Variants in HEATR4 observed in about 807,000 individuals in gnomAD.
HEATR4 encodes HEAT repeat-containing protein 4.
Under a neutral mutation model 108.8 loss-of-function variants are expected in HEATR4, and 95 were observed. The ratio of observed to expected loss-of-function variants is 0.87; its 90% CI spans 0.74 to 1.04. HEATR4 has a LOEUF of 1.04. Among genes scored for constraint, HEATR4 ranks in the 50% least tolerant of loss-of-function variants. The probability of loss-of-function intolerance (pLI) is 0.00; values close to 1 mark genes in which losing one functional copy is unlikely to be tolerated. For synonymous variants in HEATR4, 443 were observed against 459.4 expected, an observed-to-expected ratio of 0.96 and a Z score of 0.46; for missense variants, 1,152 against 1,253.8, an observed-to-expected ratio of 0.92 and a Z score of 1.23.
chr14:73,602,492 G>A, the HEATR4 span, among the ~76,000 whole-genome samples: 2 of 152,088 alleles, frequency 1.3e-5, no homozygotes, highest in African/African-American at 4.8e-5. Flanking sequence ...CTTCCACCCC[G>A]CTTCTCACTA....
the HEATR4 span, chr14:73,617,211 C>T: frequency 1.9e-6 from 3 of 1,614,158 alleles, no homozygotes; most frequent in Non-Finnish European, 2.5e-6. Context: ...TGGTGATCAC[C>T]TGAGTGCAGA....
intron 1 of HEATR4, among the ~76,000 whole-genome samples, 162 bp downstream of exon 1, chr14:73,558,589 C>CA (rs1889446252): frequency 6.9e-6 from 1 of 145,888 alleles, no homozygotes; most frequent in African/African-American, 2.5e-5. Flanking sequence ...CTCCTGGACT[C>CA]AAACAGTCCT....
At chr14:73,622,917 G>GTT in the HEATR4 span, among the ~76,000 whole-genome samples, 1 of 150,258 alleles carries the variant, frequency 6.7e-6, no homozygotes. Flanking sequence ...TTTAGTTTTT[G>GTT]TTTTTTTTTG....
intron 17 of HEATR4, chr14:73,491,627 C>G (rs907783917): frequency 3.2e-6 from 5 of 1,549,274 alleles, no homozygotes; most frequent in Non-Finnish European, 4.4e-6. Flanking sequence ...GCGAGCGGCC[C>G]GCCTCTTTGA....
chr14:73,492,942 A>T lies in HEATR4; in HGVS notation c.2844+124T>A. 1 of 1,609,172 alleles carries T rather than the reference A, an allele frequency of 6.2e-7. No homozygotes were observed. Among genetic ancestry groups the T allele is most frequent in the Non-Finnish European group, 8.5e-7 (1 of 1,178,106 alleles). On this transcript the variant is annotated intron_variant, in intron 17 of 17. Transcript: ENST00000553558. This position sits in a 1 kb window ranked among gnomAD's most constrained non-coding sequence, Gnocchi z 4.9. ...ACTAAGATGCCTCTAGCCCTAAATT[A>T]GTTTCTTGTTGATTGCTGGAAACAA...
chr14:73,618,852 G>A, the HEATR4 span, among the ~76,000 whole-genome samples: 4 of 151,964 alleles, frequency 2.6e-5, no homozygotes, highest in African/African-American at 7.2e-5. Context: ...AGCTACTGGC[G>A]GGGCACGGTG....
chr14:73,509,591 A>G lies in HEATR4; in HGVS notation c.1559-118T>C, dbSNP rs895826098. 2.6e-5 allele frequency: 24 copies of G among 937,724 alleles called. No individual in the cohort carries two copies. The African/African-American group carries it at 3.8e-4, about 15-fold the overall frequency. 58.1% of individuals were successfully genotyped at this position (937,724 alleles called of 1,614,324 possible). A position where few individuals can be genotyped will look rare whatever the true frequency, so the allele number is the denominator to read the frequency against. On this transcript the variant is annotated intron_variant, in intron 7 of 17. Transcript: ENST00000553558. ...GTCCCAGCTGCAGTTGCTTAGTGCT[A>G]TGTAATATAATTACAGTTTAGCTGA...
chr14:73,508,352 C>T (rs953319708), intron 8 of HEATR4, 58 bp from the exon 9 acceptor site: 4 of 1,546,812 alleles, frequency 2.6e-6, no homozygotes, highest in Non-Finnish European at 3.6e-6. Flanking sequence ...CCCTAGAGAA[C>T]AGCCTTTGGA....
At chr14:73,584,182 AAG>A in the HEATR4 span, among the ~76,000 whole-genome samples, 1 of 151,666 alleles carries the variant, frequency 6.6e-6, no homozygotes, top group African/African-American at 2.4e-5. Flanking sequence ...AATCATGAGA[AAG>A]AGGCGAGCCT....
At chr14:73,592,321 G>GC in the HEATR4 span, 753 of 1,608,802 alleles carry the variant, frequency 4.7e-4, 4 homozygotes, top group Middle Eastern at 2.0e-3. Context: ...CGGCTGCTGT[G>GC]CCAGGCGCAG....
chr14:73,608,616 T>C, the HEATR4 span, among the ~76,000 whole-genome samples: 28 of 152,212 alleles, frequency 1.8e-4, no homozygotes, highest in Admixed American at 1.8e-3. Flanking sequence ...CTTTCCTGTC[T>C]TCTTCTGAGC....
chr14:73,528,299 G>A (rs533519717), intron 2 of HEATR4, among the ~76,000 whole-genome samples: 2 of 146,726 alleles, frequency 1.4e-5, no homozygotes, highest in African/African-American at 5.1e-5. Flanking sequence ...GGAGGCTGAG[G>A]CAGAATCGCT....
At chr14:73,614,026 CAAAAAA>C in the HEATR4 span, among the ~76,000 whole-genome samples, 42,254 of 92,278 alleles carry the variant, frequency 0.46, 6,655 homozygotes, top group East Asian at 0.6. Context: ...TCTGTCTCTA[CAAAAAA>C]AAAAAAAAAA....
chr14:73,498,276 C>A lies in HEATR4; in HGVS notation c.2425G>T (p.Glu809Ter), dbSNP rs368290343. The A allele has an allele frequency of 6.2e-7, 1 of 1,614,024 alleles. No individual in the cohort carries two copies. The highest frequency in any genetic ancestry group is 8.5e-7 in the Non-Finnish European group (1 of 1,180,000). The change falls in exon 14 of 18, where the codon GAG becomes TAG. Residue 809 changes from glutamate (E) to a stop codon, truncating the protein, a stop_gained. Coordinates refer to ENST00000553558, the MANE Select transcript of HEATR4 (RefSeq NM_001220484.1). LOFTEE classifies it high-confidence loss of function. ...DLLLWAIHYE[E>*]SPGVRLEACR... is the part of the protein sequence containing the mutation. Reference sequence around the variant, plus strand: ...GCTTCCAGCCGTACACCTGGTGACTCTTCATAGTGGATAGCCCAGAGCAGA... The same window carrying A: ...GCTTCCAGCCGTACACCTGGTGACTATTCATAGTGGATAGCCCAGAGCAGA...
Position 73,522,628 on chromosome 14 carries a change from C to T in HEATR4, c.525G>A (p.Leu175=), listed in dbSNP as rs943761966. 6 of 1,614,096 alleles carry T rather than the reference C, an allele frequency of 3.7e-6. No homozygotes were observed. In the Admixed American group the frequency reaches 5.0e-5, roughly 13 times the overall value. Residue 175 remains leucine, a synonymous_variant, in exon 3 of 18, where the codon CTG becomes CTA. Transcript: ENST00000553558. The part of the protein sequence containing the change: ...IHHPCMHPDM[L]GRPPSLDVNL... ...TCACATCTAGAGAAGGTGGCCGACCCAGCATATCTGGATGCATGCAGGGAT... is the reference window on the plus strand; with the variant it reads ...TCACATCTAGAGAAGGTGGCCGACCTAGCATATCTGGATGCATGCAGGGAT...
At chr14:73,501,377 G>A (rs1046498165) in intron 11 of HEATR4, among the ~76,000 whole-genome samples, 4 of 151,514 alleles carry the variant, frequency 2.6e-5, no homozygotes, top group African/African-American at 7.3e-5. Flanking sequence ...TGCCCGCCTC[G>A]GCCTCCCAAA....
chr14:73,506,804 G>GTTTTTTTT (rs34660727), intron 9 of HEATR4, among the ~76,000 whole-genome samples: 2,555 of 80,378 alleles, frequency 0.032, 468 homozygotes, highest in Middle Eastern at 0.05. Context: ...GACTTTAACT[G>GTTTTTTTT]TTTTTTTTTT....
At chr14:73,576,932 CTTT>C in the HEATR4 span, among the ~76,000 whole-genome samples, 3 of 91,536 alleles carry the variant, frequency 3.3e-5, no homozygotes, top group Non-Finnish European at 2.7e-5. Flanking sequence ...CTTTTCTTTT[CTTT>C]TTTTTTTTTT....
chr14:73,500,818 C>A, intron 11 of HEATR4, 88 bp from the exon 12 acceptor site: 1 of 1,306,610 alleles, frequency 7.7e-7, no homozygotes, highest in Non-Finnish European at 1.1e-6. Flanking sequence ...TGATAAAATC[C>A]GGGTTCTGTA....
Sources: allele counts gnomAD v4.1 joint callset (sites outside exome capture counted in the v4.1 genomes callset), GRCh38; gene constraint gnomAD v4.1.1; non-coding constraint Gnocchi (gnomAD v3.1); transcripts MANE v1.5; gene names NCBI Gene and HGNC (gene_info 2026-07-23, HGNC 2026-07-21).